The following CNTNAP5 variants were observed in gnomAD, a reference collection of about 807,000 sequenced individuals.
CNTNAP5 encodes contactin associated protein family member 5.
In CNTNAP5, 72 loss-of-function variants were observed where a neutral mutation model predicts 150.2. The ratio of observed to expected loss-of-function variants is 0.48; its 90% CI spans 0.40 to 0.58. The LOEUF is 0.58. Among genes scored for constraint, CNTNAP5 ranks in the 20% least tolerant of loss-of-function variants. The probability of loss-of-function intolerance (pLI) is 0.00; values close to 1 mark genes in which losing one functional copy is unlikely to be tolerated. For missense variants in CNTNAP5, 1,636 were observed against 1,626.2 expected (o/e 1.01, Z -0.10); for synonymous variants, 672 against 619.8 (o/e 1.08, Z -1.25).
At chr2:124,275,696 C>G (rs142937979) in intron 3 of CNTNAP5, among the ~76,000 whole-genome samples, 1 of 152,206 alleles carries the variant, frequency 6.6e-6, no homozygotes, top group African/African-American at 2.4e-5. Flanking sequence ...CCAAGAGTAC[C>G]TCTTTACCAT....
At chr2:124,525,216 G>T (rs1292023422) in intron 9 of CNTNAP5, among the ~76,000 whole-genome samples, 1 of 152,152 alleles carries the variant, frequency 6.6e-6, no homozygotes, top group Non-Finnish European at 1.5e-5. Context: ...ATAGTTGTTT[G>T]TATTATAGAA....
intron 3 of CNTNAP5, among the ~76,000 whole-genome samples, chr2:124,354,995 T>C (rs1197606985): frequency 6.6e-6 from 1 of 151,938 alleles, no homozygotes; most frequent in Admixed American, 6.6e-5. Context: ...GAAATAGCTA[T>C]TCTTAAATCA....
At chr2:124,155,503 C>T (rs890187164) in intron 1 of CNTNAP5, among the ~76,000 whole-genome samples, 9 of 151,724 alleles carry the variant, frequency 5.9e-5, no homozygotes, top group Non-Finnish European at 8.8e-5. Context: ...TATGAGTGAT[C>T]GGCTGACTTA....
intron 19 of CNTNAP5, among the ~76,000 whole-genome samples, chr2:124,846,224 CA>C (rs1312744984): frequency 6.6e-6 from 1 of 151,990 alleles, no homozygotes; most frequent in Non-Finnish European, 1.5e-5. Flanking sequence ...TGGTTCAGTT[CA>C]AAGAATTTTT....
rs537647982 is a variant in CNTNAP5 at position 124,692,936 on chromosome 2, C to T, written c.2077+44978C>T. On this transcript the variant is annotated intron_variant, in intron 13 of 23. Transcript: ENST00000682447. ...TTTAACTCCCTCCCAGCTTGTGATT[C>T]CCCAAAGGGCACATCCATCTGTTCT... Among the ~76,000 whole-genome samples, 4 of 152,232 alleles carry T rather than the reference C, an allele frequency of 2.6e-5. No individual in the cohort carries two copies. The South Asian group carries it at 6.2e-4, about 24-fold the overall frequency.
rs937486055 is a variant in CNTNAP5 at position 124,707,170 on chromosome 2, A to G, written c.2078-40059A>G. 4.3e-4 allele frequency among the ~76,000 whole-genome samples: 63 copies of G among 146,924 alleles called. 4 individuals carry two copies. The highest frequency in any genetic ancestry group is 1.5e-3 in the African/African-American group (60 of 40,286). ...AAGAAGAAGAAGAAGAAGAAGAAGA[A>G]GAAGAAGAAGAAGAAGAAGAAGAAG... On this transcript the variant is annotated intron_variant, in intron 13 of 23. Transcript: ENST00000682447.
rs369168090 is a variant in CNTNAP5, at chr2:124,652,915, G to A, written c.2077+4957G>A. On this transcript the variant is annotated intron_variant, in intron 13 of 23. Transcript: ENST00000682447. ...AGGGAAGAAGTCAATATTGAAACAC[G>A]TGAAAGCACTGGAAATTCAGACTCC... Among the ~76,000 whole-genome samples the A allele has an allele frequency of 7.9e-5, 12 of 152,312 alleles. No individual in the cohort carries two copies. In the South Asian group the frequency reaches 1.4e-3, roughly 18 times the overall value.
chr2:124,075,220 G>T (rs1268838851), intron 1 of CNTNAP5, among the ~76,000 whole-genome samples: 2 of 152,006 alleles, frequency 1.3e-5, no homozygotes, highest in African/African-American at 2.4e-5. Flanking sequence ...AGCTAGATTA[G>T]CTTGCCTCCT....
intron 1 of CNTNAP5, among the ~76,000 whole-genome samples, chr2:124,098,447 C>T (rs1348831123): frequency 6.6e-6 from 1 of 152,024 alleles, no homozygotes; most frequent in African/African-American, 2.4e-5. Context: ...ACTCACAGTG[C>T]GGGTGGAAGG....
intron 1 of CNTNAP5, among the ~76,000 whole-genome samples, chr2:124,184,286 A>G (rs1685276593): frequency 6.6e-6 from 1 of 152,110 alleles, no homozygotes; most frequent in African/African-American, 2.4e-5. Flanking sequence ...TTCAAAAGGG[A>G]CCATATATGC....
chr2:124,232,489 A>G (rs1270995611), intron 2 of CNTNAP5, among the ~76,000 whole-genome samples: 1 of 152,148 alleles, frequency 6.6e-6, no homozygotes, highest in Admixed American at 6.6e-5. Flanking sequence ...ATTCTCCATG[A>G]GAAGTGAAAA....
At chr2:124,701,626 T>C (rs917711722) in intron 13 of CNTNAP5, among the ~76,000 whole-genome samples, 2 of 152,098 alleles carry the variant, frequency 1.3e-5, no homozygotes, top group Admixed American at 1.3e-4. Flanking sequence ...CAATCTACAT[T>C]CCTGTGAACA....
chr2:124,549,506 C>A (rs1230827209), intron 10 of CNTNAP5, among the ~76,000 whole-genome samples: 1 of 152,094 alleles, frequency 6.6e-6, no homozygotes, highest in Non-Finnish European at 1.5e-5. Context: ...GAAAATAATT[C>A]TTTGATCCAG....
At position 124,319,305 on chromosome 2, in the gene CNTNAP5, CA is replaced by C. The variant is rs1050105096; in HGVS notation, c.381+76922del. Among the ~76,000 whole-genome samples, 772 of 147,728 alleles carry C rather than the reference CA, an allele frequency of 5.2e-3. 9 individuals are homozygous for C. The highest frequency in any genetic ancestry group is 0.034 in the Middle Eastern group (10 of 290). On this transcript the variant is annotated intron_variant, in intron 3 of 23. Transcript: ENST00000682447. ...TTCAGCACATTGATATGATAAGTGG[CA>C]AAAAAAAAATGTATGTAAACAACTC...
intron 17 of CNTNAP5, among the ~76,000 whole-genome samples, chr2:124,773,635 A>G (rs1245397523): frequency 6.6e-6 from 1 of 152,116 alleles, no homozygotes. Context: ...TTCTTTAGTC[A>G]TTCCTCACTA....
intron 10 of CNTNAP5, among the ~76,000 whole-genome samples, chr2:124,537,401 C>A (rs778197952): frequency 2.0e-5 from 3 of 152,110 alleles, no homozygotes; most frequent in Non-Finnish European, 4.4e-5. Flanking sequence ...CGGTGCCTCA[C>A]GGGTTATCAT....
chr2:124,363,171 C>G (rs1471227778), intron 3 of CNTNAP5, among the ~76,000 whole-genome samples: 1 of 152,186 alleles, frequency 6.6e-6, no homozygotes, highest in Non-Finnish European at 1.5e-5. Flanking sequence ...ATATCCAACC[C>G]CAATTCCACT....
intron 1 of CNTNAP5, among the ~76,000 whole-genome samples, chr2:124,157,803 T>C (rs988056905): frequency 2.0e-5 from 3 of 152,162 alleles, no homozygotes; most frequent in Non-Finnish European, 2.9e-5. Context: ...AACTGTGTGC[T>C]CATGAGGAGA....
chr2:124,521,439 TGAAA>T (rs1694843847), intron 8 of CNTNAP5, among the ~76,000 whole-genome samples: 1 of 152,050 alleles, frequency 6.6e-6, no homozygotes, highest in Non-Finnish European at 1.5e-5. Flanking sequence ...TGTGAAAACT[TGAAA>T]GAGAGACATA....
Sources: allele counts gnomAD v4.1 joint callset (sites outside exome capture counted in the v4.1 genomes callset), GRCh38; gene constraint gnomAD v4.1.1; transcripts MANE v1.5; gene names NCBI Gene and HGNC (gene_info 2026-07-23, HGNC 2026-07-21).